Variants in CAPZB observed in about 807,000 individuals in gnomAD.
CAPZB encodes the protein capping actin protein of muscle Z-line subunit beta, also known as F-actin-capping protein subunit beta.
In CAPZB, 2 loss-of-function variants were observed where a neutral mutation model predicts 38.1. The observed-to-expected ratio is 0.05, with a 90% CI of 0.02 to 0.17. The LOEUF is 0.17. Among genes scored for constraint, CAPZB ranks in the 10% least tolerant of loss-of-function variants. The probability of loss-of-function intolerance (pLI) is 1.00; values close to 1 mark genes in which losing one functional copy is unlikely to be tolerated. For synonymous variants in CAPZB, 107 were observed against 127.4 expected, an observed-to-expected ratio of 0.84 and a Z score of 1.08; for missense variants, 161 against 334.2, an observed-to-expected ratio of 0.48 and a Z score of 4.04.
At chr1:19,455,526 T>C (rs2094530359) in intron 1 of CAPZB, among the ~76,000 whole-genome samples, 1 of 152,194 alleles carries the variant, frequency 6.6e-6, no homozygotes, top group South Asian at 2.1e-4. Flanking sequence ...TGTCACACGC[T>C]AGTGGTTTCC....
Position 19,481,888 on chromosome 1 carries a change from T to C in CAPZB, c.3+3548A>G, listed in dbSNP as rs557321778. Among the ~76,000 whole-genome samples the C allele has an allele frequency of 6.6e-5, 10 of 152,186 alleles. No homozygotes were observed. The East Asian group carries it at 1.5e-3, about 23-fold the overall frequency. On this transcript the variant is annotated intron_variant, in intron 1 of 8. Transcript: ENST00000264202. ...TAGGTAACGATGACATCCCCACCCC[T>C]CAACAATGTGAGCCATGAGGGCAGA...
At chr1:19,376,952 G>A (rs1011043512) in intron 4 of CAPZB, among the ~76,000 whole-genome samples, 2 of 152,180 alleles carry the variant, frequency 1.3e-5, no homozygotes, top group African/African-American at 4.8e-5. Flanking sequence ...TTTGTAAGAG[G>A]GGGATAACCC....
chr1:19,408,111 G>A (rs993182362), intron 2 of CAPZB, among the ~76,000 whole-genome samples: 14 of 152,180 alleles, frequency 9.2e-5, no homozygotes, highest in East Asian at 1.9e-4. Context: ...CCTTGCAAAC[G>A]TGCACTGGGT....
At chr1:19,458,573 C>G (rs1263237388) in intron 1 of CAPZB, among the ~76,000 whole-genome samples, 1 of 152,244 alleles carries the variant, frequency 6.6e-6, no homozygotes, top group African/African-American at 2.4e-5. Flanking sequence ...GCAGGCTGGT[C>G]TTTAACTCCT....
intron 7 of CAPZB, 150 bp downstream of exon 7, chr1:19,345,037 T>C (rs2093953050): frequency 1.5e-6 from 1 of 663,290 alleles, no homozygotes; most frequent in Non-Finnish European, 2.7e-6. Context: ...TCCAAAAATA[T>C]GAGGCCAGGG....
Position 19,386,488 on chromosome 1 carries a change from A to G in CAPZB, c.94-862T>C, listed in dbSNP as rs565087597. Among the ~76,000 whole-genome samples the G allele has an allele frequency of 2.6e-5, 4 of 152,318 alleles. No individual in the cohort carries two copies. In the South Asian group the frequency reaches 8.3e-4, roughly 32 times the overall value. ...ATGGGCCTGGGTTTATGGGGGCTCCACCATATCGTTTACCAGGAAAGTGCC... is the reference window on the plus strand; with the variant it reads ...ATGGGCCTGGGTTTATGGGGGCTCCGCCATATCGTTTACCAGGAAAGTGCC... On this transcript the variant is annotated intron_variant, in intron 2 of 8. Transcript: ENST00000264202.
At chr1:19,402,707 G>C (rs112854416) in intron 2 of CAPZB, among the ~76,000 whole-genome samples, 2 of 152,140 alleles carry the variant, frequency 1.3e-5, no homozygotes, top group Non-Finnish European at 2.9e-5. Flanking sequence ...GGTGGGCCAC[G>C]GTGTCCTCTG....
At chr1:19,423,665 C>CT (rs1193329107) in intron 1 of CAPZB, among the ~76,000 whole-genome samples, 1 of 151,950 alleles carries the variant, frequency 6.6e-6, no homozygotes, top group Admixed American at 6.6e-5. Flanking sequence ...GCTTGGATTA[C>CT]AGGCACACAC....
chr1:19,460,619 C>T (rs2094548346), intron 1 of CAPZB, among the ~76,000 whole-genome samples: 1 of 127,700 alleles, frequency 7.8e-6, no homozygotes, highest in East Asian at 2.4e-4. Flanking sequence ...GGAGATGTTG[C>T]CCCGGCTGGT....
At chr1:19,387,245 CAA>C (rs1398324255) in intron 2 of CAPZB, among the ~76,000 whole-genome samples, 1 of 152,204 alleles carries the variant, frequency 6.6e-6, no homozygotes, top group Non-Finnish European at 1.5e-5. Context: ...CAGATGAGTC[CAA>C]AGTCCCTACT....
chr1:19,462,619 T>C (rs568536028), intron 1 of CAPZB, among the ~76,000 whole-genome samples: 8 of 152,298 alleles, frequency 5.3e-5, no homozygotes, highest in South Asian at 4.1e-4. Context: ...AGTAAGCGCA[T>C]TGAATAAATA....
intron 1 of CAPZB, among the ~76,000 whole-genome samples, chr1:19,435,867 G>A (rs1337464027): frequency 6.6e-6 from 1 of 152,200 alleles, no homozygotes; most frequent in East Asian, 1.9e-4. Context: ...GTCTCCAAAA[G>A]AAGAGGAGCG....
At chr1:19,455,918 GTTTA>G (rs1406923834) in intron 1 of CAPZB, among the ~76,000 whole-genome samples, 1 of 152,188 alleles carries the variant, frequency 6.6e-6, no homozygotes, top group African/African-American at 2.4e-5. Context: ...CAAGGCTCTT[GTTTA>G]TTTGTTTTTC....
intron 2 of CAPZB, among the ~76,000 whole-genome samples, chr1:19,386,912 C>T (rs575174571): frequency 6.6e-6 from 1 of 152,196 alleles, no homozygotes; most frequent in Non-Finnish European, 1.5e-5. Context: ...CAGGTGTGAG[C>T]CCCCAGGCCT....
intron 1 of CAPZB, 40 bp from the exon 2 acceptor site, chr1:19,419,790 C>A: frequency 1.7e-6 from 2 of 1,186,208 alleles, no homozygotes; most frequent in African/African-American, 1.5e-5. Flanking sequence ...TCATTTTTGC[C>A]AGAAGGAATA....
At chr1:19,446,933 C>T (rs192930219) in intron 1 of CAPZB, among the ~76,000 whole-genome samples, 1 of 152,292 alleles carries the variant, frequency 6.6e-6, no homozygotes, top group Admixed American at 6.5e-5. Context: ...ATCCATCACG[C>T]CAACTGGATT....
chr1:19,438,340 T>C (rs1302443669), intron 1 of CAPZB, among the ~76,000 whole-genome samples: 3 of 152,094 alleles, frequency 2.0e-5, no homozygotes, highest in African/African-American at 7.2e-5. Flanking sequence ...CTTAGCGTAC[T>C]TCGATAATGC....
chr1:19,442,380 C>T (rs981626228), intron 1 of CAPZB, among the ~76,000 whole-genome samples: 19 of 152,140 alleles, frequency 1.2e-4, no homozygotes, highest in Non-Finnish European at 2.5e-4. Flanking sequence ...GCTGAAACAA[C>T]GCTGGGCACG....
chr1:19,412,037 A>G (rs889258023), intron 2 of CAPZB, among the ~76,000 whole-genome samples: 2 of 152,216 alleles, frequency 1.3e-5, no homozygotes, highest in African/African-American at 4.8e-5. Context: ...CCATTCACAG[A>G]GCAAAAGGCT....
Sources: gnomAD v4.1 joint callset for allele counts (sites outside exome capture counted in the v4.1 genomes callset) on GRCh38, gnomAD v4.1.1 for gene constraint, MANE v1.5 for transcripts, NCBI Gene and HGNC (gene_info 2026-07-23, HGNC 2026-07-21) for gene names.